The following ATP8B3 variants were observed in gnomAD, a reference collection of about 807,000 sequenced individuals.
ATP8B3 encodes phospholipid-transporting ATPase IK.
Under a neutral mutation model 140.9 loss-of-function variants are expected in ATP8B3, and 141 were observed. That is an observed-to-expected ratio of 1.00 (90% CI 0.87 to 1.15). The LOEUF (loss-of-function observed/expected upper bound fraction) is 1.15. Among genes scored for constraint, ATP8B3 ranks in the 50% most tolerant of loss-of-function variants. The pLI, the probability that ATP8B3 is intolerant of heterozygous loss-of-function variation, is 0.00. For missense variants in ATP8B3, 1,874 were observed against 1,740.6 expected (o/e 1.08, Z -1.36); for synonymous variants, 765 against 714.6 (o/e 1.07, Z -1.13).
In ATP8B3 at chr19:1,805,385, G is replaced by A. The variant is rs368069752; in HGVS notation, c.893C>T (p.Ala298Val). The change falls in exon 10 of 29, where the codon GCG becomes GTG. Residue 298 changes from alanine to valine, a missense_variant. Ala to Val is a moderately conservative substitution (Grantham distance 64, BLOSUM62 0). Transcript: ENST00000310127. The surrounding 1 kb of genome is among the most constrained non-coding windows in gnomAD (Gnocchi z 5.2). Reference sequence around the variant, plus strand: ...TCAACGCCTCTCACCTTGAAAGGACGCCATCTTCTTTATAGTGGCCAGTTC... The same window carrying A: ...TCAACGCCTCTCACCTTGAAAGGACACCATCTTCTTTATAGTGGCCAGTTC... ...HKELATIKKM[A>V]SFQGTVTCEA... is the part of the protein sequence containing the mutation. 11 of 1,565,680 alleles carry A rather than the reference G, an allele frequency of 7.0e-6. No homozygotes were observed. Among genetic ancestry groups the A allele is most frequent in the African/African-American group, 2.7e-5 (2 of 73,990 alleles).
At position 1,800,977 on chromosome 19, in the gene ATP8B3, C is replaced by T. The variant is rs1405355542; in HGVS notation, c.1153-528G>A. Among the ~76,000 whole-genome samples, 2 of 148,962 alleles carry T rather than the reference C, an allele frequency of 1.3e-5. No homozygotes were observed. Among genetic ancestry groups the T allele is most frequent in the African/African-American group, 2.5e-5 (1 of 40,484 alleles). ...CCGAGTAGCTGGGACTACAGGCGCC[C>T]GCCACCACGCCCGGCTAATTTTTTG... On this transcript the variant is annotated intron_variant, in intron 12 of 28. Coordinates refer to ENST00000310127, the MANE Select transcript of ATP8B3 (RefSeq NM_138813.4). This position sits in a 1 kb window ranked among gnomAD's most constrained non-coding sequence, Gnocchi z 4.4.
chr19:1,811,164 ATATGT>A (rs1369405313), intron 2 of ATP8B3, among the ~76,000 whole-genome samples: 2 of 152,152 alleles, frequency 1.3e-5, no homozygotes, highest in South Asian at 4.1e-4. Flanking sequence ...CCCCCGGGCT[ATATGT>A]TATATCTCAA....
In ATP8B3 at chr19:1,800,738, C is replaced by T. The variant is rs779529279; in HGVS notation, c.1153-289G>A. Among the ~76,000 whole-genome samples the T allele has an allele frequency of 5.3e-5, 8 of 152,072 alleles. No individual in the cohort carries two copies. The highest frequency in any genetic ancestry group is 1.0e-4 in the Non-Finnish European group (7 of 68,006). On this transcript the variant is annotated intron_variant, in intron 12 of 28. Transcript: ENST00000310127. This position sits in a 1 kb window ranked among gnomAD's most constrained non-coding sequence, Gnocchi z 4.4. ...TGCTCAGAAGGCTGAGGCCGAGGAT[C>T]GCTTGAGCCCAGGAGGCTGCAGTGA...
At chr19:1,793,883 C>T (rs1040775900) in intron 18 of ATP8B3, among the ~76,000 whole-genome samples, 5 of 151,930 alleles carry the variant, frequency 3.3e-5, no homozygotes, top group African/African-American at 1.2e-4. Context: ...GCTGAGACTA[C>T]AGGCCTGCAC....
intron 4 of ATP8B3, 35 bp from the exon 5 acceptor site, chr19:1,808,370 G>T: frequency 6.5e-7 from 1 of 1,542,760 alleles, no homozygotes; most frequent in South Asian, 1.1e-5. Flanking sequence ...TGGCAGAGGG[G>T]TGCCATCCAG....
chr19:1,790,045 C>T, intron 21 of ATP8B3, 56 bp from the exon 22 acceptor site: 2 of 1,370,862 alleles, frequency 1.5e-6, no homozygotes, highest in South Asian at 1.2e-5. Context: ...TCCCCACTTC[C>T]CCGGGGGCTC....
At chr19:1,795,116 G>A (rs974874435) in intron 18 of ATP8B3, among the ~76,000 whole-genome samples, 2 of 152,098 alleles carry the variant, frequency 1.3e-5, no homozygotes, top group East Asian at 1.9e-4. Flanking sequence ...TTGGCCGGGC[G>A]TGGTGGCGGG....
chr19:1,784,589 G>C (rs1485188186), intron 28 of ATP8B3, among the ~76,000 whole-genome samples: 1 of 152,200 alleles, frequency 6.6e-6, no homozygotes, highest in Non-Finnish European at 1.5e-5. Context: ...GGCGGCGTTT[G>C]GGTGCTCTCT....
intron 19 of ATP8B3, 67 bp downstream of exon 19, chr19:1,791,934 C>G (rs747096702): frequency 6.3e-7 from 1 of 1,586,094 alleles, no homozygotes; most frequent in Non-Finnish European, 8.6e-7. Context: ...GCAGGAGAGT[C>G]CCAGGGCCCC....
chr19:1,792,159 T>TGTC, intron 18 of ATP8B3, 24 bp from the exon 19 acceptor site: 1 of 1,552,418 alleles, frequency 6.4e-7, no homozygotes, highest in Non-Finnish European at 8.6e-7. Context: ...AGGTGGAAGC[T>TGTC]GTCACCATGC....
At chr19:1,798,145 AT>A (rs2068736918) in intron 14 of ATP8B3, among the ~76,000 whole-genome samples, 1 of 151,340 alleles carries the variant, frequency 6.6e-6, no homozygotes, top group Non-Finnish European at 1.5e-5. Context: ...TAATTTTTGT[AT>A]TTTTAGTAGA....
chr19:1,810,594 C>T lies in ATP8B3; in HGVS notation c.310+28G>A, dbSNP rs200844303. The T allele has an allele frequency of 3.0e-5, 49 of 1,608,240 alleles. No individual in the cohort carries two copies. The East Asian group carries it at 1.0e-3, about 33-fold the overall frequency. On this transcript the variant is annotated intron_variant, in intron 3 of 28. Coordinates refer to ENST00000310127, the MANE Select transcript of ATP8B3 (RefSeq NM_138813.4). ...TGAACTTCATAATCCCTCCCACCTG[C>T]ACCGCCCCCTCTGCCCAGGATCAGC...
chr19:1,805,133 G>A lies in ATP8B3; in HGVS notation c.904+241C>T, dbSNP rs919647226. The A allele has an allele frequency of 8.3e-6, 4 of 481,762 alleles. No individual in the cohort carries two copies. The highest frequency in any genetic ancestry group is 5.6e-4 in the Middle Eastern group (1 of 1,778). The allele number at this position is 481,762 out of a possible 1,614,324, so 29.8% of individuals were successfully genotyped here. ...TGGGACCACCGGCATGTGCCACCACGCCCAGCTACTTGTTTTATTTTTGTA... is the reference window on the plus strand; with the variant it reads ...TGGGACCACCGGCATGTGCCACCACACCCAGCTACTTGTTTTATTTTTGTA... On this transcript the variant is annotated intron_variant, in intron 10 of 28. Transcript: ENST00000310127. This position sits in a 1 kb window ranked among gnomAD's most constrained non-coding sequence, Gnocchi z 5.2.
Position 1,795,884 on chromosome 19 carries a change from C to T in ATP8B3, c.2046G>A (p.Glu682=), listed in dbSNP as rs1427531392. 2.5e-6 allele frequency: 4 copies of T among 1,610,546 alleles called. No individual in the cohort carries two copies. The highest frequency in any genetic ancestry group is 3.4e-6 in the Non-Finnish European group (4 of 1,179,260). ...TCCTGAAGGGACTCACAGCCAAGGC[C>T]TCCTCTGTGGCAAATTCCATTGCCC... is the stretch of plus-strand genomic sequence containing the variant. The part of the protein sequence containing the change: ...RRGAMEFATE[E]ALAAFAQETL... Residue 682 remains glutamate (E), a synonymous_variant, in exon 18 of 29, where the codon GAG becomes GAA. Transcript: ENST00000310127.
rs1241172046 is a variant in ATP8B3 at position 1,796,734 on chromosome 19, C to T, written c.1730G>A (p.Arg577Gln). 8.1e-6 allele frequency: 13 copies of T among 1,611,396 alleles called. No homozygotes were observed. Among genetic ancestry groups the T allele is most frequent in the African/African-American group, 5.3e-5 (4 of 74,906 alleles). Residue 577 changes from arginine to glutamine, a missense_variant, in exon 16 of 29, where the codon CGG becomes CAG. Arg to Gln is a conservative substitution (Grantham distance 43, BLOSUM62 1). This residue lies in a region of ATP8B3 where 1,032 missense variants were observed against 963.6 expected (regional missense o/e 1.07). Coordinates refer to ENST00000310127, the MANE Select transcript of ATP8B3 (RefSeq NM_138813.4). The stretch of plus-strand genomic sequence containing the variant: ...ACCTGGGCGCTCACGGGGGCTCTCC[C>T]GCACCATCACCGTGTGGCAGATGGC... ...LLAICHTVMVRESPRERPDQL... is the reference protein window; with the variant it reads ...LLAICHTVMVQESPRERPDQL...
intron 10 of ATP8B3, among the ~76,000 whole-genome samples, chr19:1,804,787 C>G (rs2068961570): frequency 6.6e-6 from 1 of 151,704 alleles, no homozygotes; most frequent in South Asian, 2.1e-4. Context: ...GCCTGGGAGA[C>G]AAGAGCGAAA....
chr19:1,804,945 T>C (rs891121563), intron 10 of ATP8B3, among the ~76,000 whole-genome samples: 3 of 152,258 alleles, frequency 2.0e-5, no homozygotes, highest in East Asian at 1.9e-4. Flanking sequence ...GACTGTGTTA[T>C]GGTTAAATTT....
In ATP8B3 at chr19:1,799,929, C is replaced by T; in HGVS notation, c.1552+18G>A. On this transcript the variant is annotated intron_variant, in intron 14 of 28. Coordinates refer to ENST00000310127, the MANE Select transcript of ATP8B3 (RefSeq NM_138813.4). The stretch of plus-strand genomic sequence containing the variant: ...AAGATCGAGGACCCAGCTGGGAGCT[C>T]AGGTGTCGGGGCCGCACCATAGACG... 1.9e-6 allele frequency: 3 copies of T among 1,577,710 alleles called. No individual in the cohort carries two copies. Among genetic ancestry groups the T allele is most frequent in the African/African-American group, 1.3e-5 (1 of 74,426 alleles).
intron 14 of ATP8B3, chr19:1,799,701 T>C (rs964097290): frequency 8.6e-6 from 5 of 583,810 alleles, no homozygotes; most frequent in Non-Finnish European, 1.2e-5. Flanking sequence ...GAGGTGGAGA[T>C]TGCAGTGAGC....
Sources: allele counts gnomAD v4.1 joint callset (sites outside exome capture counted in the v4.1 genomes callset), GRCh38; gene constraint gnomAD v4.1.1; regional missense constraint gnomAD v4.1.1; non-coding constraint Gnocchi (gnomAD v3.1); transcripts MANE v1.5; gene names NCBI Gene and HGNC (gene_info 2026-07-23, HGNC 2026-07-21).